METTL2B: variants seen among roughly 807,000 people sequenced by gnomAD.
METTL2B encodes methyltransferase 2B, tRNA N3-cytidine.
Under a neutral mutation model 51.0 loss-of-function variants are expected in METTL2B, and 28 were observed. The ratio of observed to expected loss-of-function variants is 0.55; its 90% confidence interval spans 0.41 to 0.75. METTL2B has a LOEUF of 0.75. Ranked by LOEUF, METTL2B falls within the 30% of genes least tolerant of loss-of-function variation. The probability of loss-of-function intolerance (pLI) is 0.00; values close to 1 mark genes in which losing one functional copy is unlikely to be tolerated. For synonymous variants in METTL2B, 128 were observed against 166.3 expected (o/e 0.77, Z 1.77); for missense variants, 313 against 460.7 (o/e 0.68, Z 2.93).
intron 6 of METTL2B, among the ~76,000 whole-genome samples, chr7:128,496,320 G>A (rs984327085): frequency 5.9e-5 from 9 of 152,210 alleles, no homozygotes; most frequent in Non-Finnish European, 1.2e-4. Context: ...TGAGGTGGAA[G>A]GAGTGCTTGA....
At chr7:128,484,631 C>T (rs529087500) in intron 4 of METTL2B, among the ~76,000 whole-genome samples, 257 of 152,042 alleles carry the variant, frequency 1.7e-3, no homozygotes, top group Non-Finnish European at 2.6e-3. Context: ...CTTGCCCTGT[C>T]GCCCGGGCTG....
At chr7:128,487,910 A>G (rs1792745916) in intron 4 of METTL2B, among the ~76,000 whole-genome samples, 191 bp from the exon 5 acceptor site, 2 of 152,096 alleles carry the variant, frequency 1.3e-5, no homozygotes, top group South Asian at 2.1e-4. Context: ...AGCTATGTCC[A>G]CAGAGCCTCC....
In METTL2B at chr7:128,504,350, CTTT is replaced by C. The variant is rs66738177; in HGVS notation, c.*2451_*2453del. On this transcript the variant is annotated 3_prime_UTR_variant, in exon 9 of 9. Transcript: ENST00000262432. ...GCTGGGTAATGTAGCAAGACCCTGA[CTTT>C]TTTTTTTTTTTTTTTTGAGATGGAG... The C allele has an allele frequency of 7.4e-5, 8 of 108,442 alleles. No homozygotes were observed. Among genetic ancestry groups the C allele is most frequent in the Non-Finnish European group, 1.1e-4 (6 of 55,082 alleles). 6.7% of individuals were successfully genotyped at this position (108,442 alleles called of 1,614,324 possible).
At chr7:128,488,796 T>G (rs1792767411) in intron 5 of METTL2B, among the ~76,000 whole-genome samples, 1 of 152,142 alleles carries the variant, frequency 6.6e-6, no homozygotes, top group Non-Finnish European at 1.5e-5. Context: ...TAATACACAA[T>G]TGCATAAACT....
In METTL2B at chr7:128,506,565, C is replaced by T. The variant is rs1009188166; in HGVS notation, c.*4649C>T. ...TGGGAGGGATTAAAGTATATGACCT[C>T]AGTGCCACTTAAAAAATAAATACTG... On this transcript the variant is annotated 3_prime_UTR_variant, in exon 9 of 9. Coordinates refer to ENST00000262432, the MANE Select transcript of METTL2B (RefSeq NM_018396.3). 3.3e-5 allele frequency: 5 copies of T among 152,200 alleles called. No homozygotes were observed. Among genetic ancestry groups the T allele is most frequent in the African/African-American group, 1.2e-4 (5 of 41,432 alleles). 9.4% of individuals were successfully genotyped at this position (152,200 alleles called of 1,614,324 possible).
chr7:128,491,197 C>T (rs1009939153), intron 5 of METTL2B, among the ~76,000 whole-genome samples: 8 of 148,012 alleles, frequency 5.4e-5, no homozygotes, highest in African/African-American at 1.7e-4. Context: ...ATTGGCCAGG[C>T]GTGGTGGCCA....
Position 128,495,458 on chromosome 7 carries a change from T to A in METTL2B, c.809+1515T>A, listed in dbSNP as rs1584796226. On this transcript the variant is annotated intron_variant, in intron 6 of 8. Transcript: ENST00000262432. ...ATGAAACTACCTTCTCTCTTTTTTT[T>A]ATTTTTTTCTGAGATGGAGTCTCAC... Among the ~76,000 whole-genome samples, 4 of 151,954 alleles carry A rather than the reference T, an allele frequency of 2.6e-5. No homozygotes were observed. The South Asian group carries it at 8.3e-4, about 32-fold the overall frequency.
rs1390822237 is a variant in METTL2B, at chr7:128,488,103, A to G, written c.611A>G (p.Asp204Gly). The G allele has an allele frequency of 1.4e-5, 23 of 1,597,630 alleles. No homozygotes were observed. The highest frequency in any genetic ancestry group is 1.9e-5 in the Non-Finnish European group (22 of 1,169,802). Residue 204 changes from aspartate to glycine, a missense_variant and splice_region_variant, in exon 5 of 9, where the codon GAC (aspartate) becomes GGC (glycine). Asp to Gly is a moderately conservative substitution (Grantham distance 94, BLOSUM62 -1). This residue lies in a region of METTL2B where 42 missense variants were observed against 113.4 expected (regional missense o/e 0.37). Transcript: ENST00000262432. ...TTTGTCTTTTCTGCCCATTTCAGTG[A>G]CCCAGGACTCTTTGTTTATTGCTGT... is the stretch of plus-strand genomic sequence containing the variant. The part of the protein sequence containing the change: ...TVFPILQTNN[D>G]PGLFVYCCDF...
At chr7:128,497,627 C>T (rs922017512) in intron 6 of METTL2B, among the ~76,000 whole-genome samples, 10 of 152,194 alleles carry the variant, frequency 6.6e-5, no homozygotes, top group South Asian at 2.1e-4. Flanking sequence ...GGATTATAGA[C>T]GCATGCCACC....
At position 128,502,426 on chromosome 7, in the gene METTL2B, A is replaced by G. The variant is rs1793046114; in HGVS notation, c.*510A>G. 3.3e-6 allele frequency: 1 copy of G among 304,450 alleles called. No homozygotes were observed. Among genetic ancestry groups the G allele is most frequent in the East Asian group, 1.2e-4 (1 of 8,352 alleles). 18.9% of individuals were successfully genotyped at this position (304,450 alleles called of 1,614,324 possible). ...TGCGTTAAATCTTTTGAGAGTGTAA[A>G]TGCCGGGCTAGGCAATTGCAGTTAA... is the stretch of plus-strand genomic sequence containing the variant. On this transcript the variant is annotated 3_prime_UTR_variant, in exon 9 of 9. Coordinates refer to ENST00000262432, the MANE Select transcript of METTL2B (RefSeq NM_018396.3).
chr7:128,492,623 GTTT>G (rs1792854937), intron 5 of METTL2B, among the ~76,000 whole-genome samples: 1 of 137,372 alleles, frequency 7.3e-6, no homozygotes, highest in South Asian at 2.3e-4. Flanking sequence ...TTGTTTGTTT[GTTT>G]TTGTTTTTGA....
intron 5 of METTL2B, chr7:128,488,681 T>C: frequency 2.8e-6 from 1 of 361,492 alleles, no homozygotes; most frequent in East Asian, 7.4e-5. Flanking sequence ...GGCCACTTCA[T>C]ACTCTACAGT....
intron 5 of METTL2B, 134 bp from the exon 6 acceptor site, chr7:128,493,670 A>G: frequency 2.3e-6 from 3 of 1,326,026 alleles, no homozygotes; most frequent in South Asian, 1.6e-5. Flanking sequence ...TTGCCTCAAG[A>G]AAAAAAAGAA....
intron 4 of METTL2B, among the ~76,000 whole-genome samples, chr7:128,484,545 T>C (rs1413633089): frequency 1.3e-5 from 2 of 152,158 alleles, no homozygotes; most frequent in Non-Finnish European, 2.9e-5. Flanking sequence ...TTTATTGAGA[T>C]ATAAAGTGTG....
At chr7:128,486,650 C>T (rs1253837754) in intron 4 of METTL2B, among the ~76,000 whole-genome samples, 5 of 151,956 alleles carry the variant, frequency 3.3e-5, no homozygotes, top group East Asian at 1.9e-4. Flanking sequence ...GCTTGCCAGG[C>T]GCGGTGGCTC....
rs188491089 is a variant in METTL2B at position 128,501,533 on chromosome 7, A to C, written c.983-229A>C. The stretch of plus-strand genomic sequence containing the variant: ...GGTGTTCATAGAGCCTAAAGGCCAA[A>C]TATAAACCAAAGGTTTTTAAAAAAG... On this transcript the variant is annotated intron_variant, in intron 8 of 8. Coordinates refer to ENST00000262432, the MANE Select transcript of METTL2B (RefSeq NM_018396.3). 1.7e-3 allele frequency: 1,648 copies of C among 985,436 alleles called. 27 individuals are homozygous for C. The African/African-American group carries it at 0.027, about 16-fold the overall frequency. 61.0% of individuals were successfully genotyped at this position (985,436 alleles called of 1,614,324 possible).
intron 4 of METTL2B, chr7:128,482,959 A>G (rs1799891254): frequency 6.6e-6 from 1 of 152,242 alleles, no homozygotes; most frequent in Non-Finnish European, 1.5e-5. Flanking sequence ...GTATTCATTA[A>G]CAGGATTAAG....
At chr7:128,490,811 A>G (rs1001322664) in intron 5 of METTL2B, among the ~76,000 whole-genome samples, 7 of 152,184 alleles carry the variant, frequency 4.6e-5, no homozygotes, top group African/African-American at 9.7e-5. Flanking sequence ...GCTTTGGCCA[A>G]TGAGAAACAA....
intron 4 of METTL2B, among the ~76,000 whole-genome samples, chr7:128,485,335 C>T (rs1404771619): frequency 1.3e-5 from 2 of 152,052 alleles, no homozygotes; most frequent in African/African-American, 2.4e-5. Flanking sequence ...GAGTTCAAGA[C>T]GAGCCTGAAC....
Sources: gnomAD v4.1 joint callset for allele counts (sites outside exome capture counted in the v4.1 genomes callset) on GRCh38, gnomAD v4.1.1 for gene constraint, gnomAD v4.1.1 regional missense constraint, MANE v1.5 for transcripts, NCBI Gene and HGNC (gene_info 2026-07-23, HGNC 2026-07-21) for gene names.